Variants in OTC observed in about 807,000 individuals in gnomAD.
OTC encodes ornithine transcarbamylase, mitochondrial.
OTC carries 3 observed loss-of-function variants against 30.3 expected under a neutral mutation model. That is an observed-to-expected ratio of 0.10 (90% confidence interval 0.05 to 0.26). The LOEUF is 0.26. OTC is among the 10% of genes least tolerant of loss of function. The pLI is 1.00. For synonymous variants in OTC, 111 were observed against 99.7 expected, an observed-to-expected ratio of 1.11 and a Z score of -0.67; for missense variants, 194 against 260.3, an observed-to-expected ratio of 0.75 and a Z score of 1.75.
chrX:38,380,230 C>T (rs928942945), intron 3 of OTC, among the ~76,000 whole-genome samples: 2 of 111,813 alleles, frequency 1.8e-5, no homozygotes, highest in African/African-American at 6.5e-5. Context: ...GTCAAATTCT[C>T]CTTTGTGGAT....
upstream of OTC, among the ~76,000 whole-genome samples, chrX:38,351,372 T>TG (rs1412591224): frequency 8.9e-6 from 1 of 111,857 alleles, no homozygotes; most frequent in East Asian, 2.8e-4. Context: ...GCCCTACCCC[T>TG]GCCCCTCCTC....
chrX:38,329,832 G>A, the OTC span, among the ~76,000 whole-genome samples: 1 of 111,485 alleles, frequency 9.0e-6, no homozygotes, highest in African/African-American at 3.3e-5. Flanking sequence ...TGGTTACTTG[G>A]GAATGGCACC....
At chrX:38,394,396 A>G (rs1035577921) in intron 4 of OTC, among the ~76,000 whole-genome samples, 1 of 112,265 alleles carries the variant, frequency 8.9e-6, no homozygotes, top group African/African-American at 3.2e-5. Context: ...AGGAGATTTC[A>G]TTCTTTTACA....
chrX:38,407,640 G>T (rs2068521907), intron 6 of OTC, among the ~76,000 whole-genome samples: 1 of 111,092 alleles, frequency 9.0e-6, no homozygotes, highest in Admixed American at 9.6e-5. Context: ...GAGAGGAGGT[G>T]TTCAAGGGTG....
intron 5 of OTC, among the ~76,000 whole-genome samples, chrX:38,402,558 T>C (rs1472130951): frequency 8.9e-6 from 1 of 112,148 alleles, no homozygotes; most frequent in African/African-American, 3.2e-5. Context: ...ATAAAATATA[T>C]GAAACCTACA....
At chrX:38,337,073 A>G in the OTC span, among the ~76,000 whole-genome samples, 1 of 111,609 alleles carries the variant, frequency 9.0e-6, no homozygotes, top group Non-Finnish European at 1.9e-5. Context: ...ATGAGAGAGC[A>G]GCATTAAGAT....
At chrX:38,338,407 A>T in the OTC span, among the ~76,000 whole-genome samples, 1 of 112,292 alleles carries the variant, frequency 8.9e-6, no homozygotes, top group East Asian at 2.8e-4. Context: ...GTTTACTGTC[A>T]GTCAACCAGT....
At chrX:38,365,113 C>G (rs779056222) in intron 1 of OTC, among the ~76,000 whole-genome samples, 1 of 112,833 alleles carries the variant, frequency 8.9e-6, no homozygotes, top group Non-Finnish European at 1.9e-5. Context: ...ATGATTAACT[C>G]TTCATCCCAA....
At chrX:38,409,467 G>T (rs1305712491) in intron 8 of OTC, among the ~76,000 whole-genome samples, 2 of 112,525 alleles carry the variant, frequency 1.8e-5, no homozygotes, top group Non-Finnish European at 3.8e-5. Flanking sequence ...GGCATTCCCA[G>T]GGGACTCATC....
intron 2 of OTC, among the ~76,000 whole-genome samples, chrX:38,369,168 T>C (rs1323844359): frequency 2.7e-5 from 3 of 110,878 alleles, no homozygotes; most frequent in Non-Finnish European, 5.7e-5. Flanking sequence ...GAAAACTGAA[T>C]GGGGATTTCA....
intron 4 of OTC, among the ~76,000 whole-genome samples, chrX:38,389,357 A>G (rs1051995272): frequency 4.6e-5 from 5 of 107,983 alleles, no homozygotes; most frequent in Admixed American, 1.0e-4. Flanking sequence ...ATGAGGCCCA[A>G]TCCTCAAGAG....
chrX:38,414,831 T>A (rs1436376509), intron 9 of OTC, among the ~76,000 whole-genome samples: 3 of 111,214 alleles, frequency 2.7e-5, no homozygotes, highest in African/African-American at 9.8e-5. Flanking sequence ...GCGCTCTTTA[T>A]GTCTCTGAGC....
chrX:38,417,749 A>G (rs2068576640), intron 9 of OTC, among the ~76,000 whole-genome samples: 1 of 112,174 alleles, frequency 8.9e-6, no homozygotes, highest in Admixed American at 9.5e-5. Context: ...CAAGGACCTG[A>G]GAGACCACAA....
chrX:38,351,220 G>C (rs1371901378), upstream of OTC, among the ~76,000 whole-genome samples: 1 of 111,936 alleles, frequency 8.9e-6, no homozygotes. Flanking sequence ...TTCTCTACTA[G>C]TATTAATTAT....
At chrX:38,341,046 C>T in the OTC span, among the ~76,000 whole-genome samples, 1 of 111,741 alleles carries the variant, frequency 8.9e-6, no homozygotes, top group Non-Finnish European at 1.9e-5. Flanking sequence ...GATCCGCCTG[C>T]CTCGGCCTCC....
At chrX:38,383,569 G>A (rs1240171639) in intron 4 of OTC, among the ~76,000 whole-genome samples, 1 of 111,109 alleles carries the variant, frequency 9.0e-6, no homozygotes. Flanking sequence ...AGGCCGAGGC[G>A]GGTGGATCAC....
At position 38,421,365 on chromosome X, in the gene OTC, A is replaced by G. The variant is rs180730818; in HGVS notation, c.*283A>G. ...TCATATACATTTACTTCAACATAAA[A>G]TACTGTGTTCATAATGTATAATGTC... On this transcript the variant is annotated 3_prime_UTR_variant, in exon 10 of 10. Coordinates refer to ENST00000039007, the MANE Select transcript of OTC (RefSeq NM_000531.6). 151 of 298,920 alleles carry G rather than the reference A, an allele frequency of 5.1e-4. No homozygotes were observed. Among genetic ancestry groups the G allele is most frequent in the African/African-American group, 3.6e-3 (132 of 36,900 alleles). 24.6% of individuals were successfully genotyped at this position (298,920 alleles called of 1,213,427 possible).
At chrX:38,414,142 T>A (rs2147347446) in intron 9 of OTC, among the ~76,000 whole-genome samples, 1 of 111,888 alleles carries the variant, frequency 8.9e-6, no homozygotes, top group East Asian at 2.8e-4. Context: ...CAGAAGACAA[T>A]TGAAGTTACA....
intron 3 of OTC, among the ~76,000 whole-genome samples, chrX:38,373,087 C>T (rs1417414819): frequency 8.9e-6 from 1 of 111,998 alleles, no homozygotes; most frequent in African/African-American, 3.2e-5. Flanking sequence ...AATCATTAAG[C>T]GTATAGATCG....
Sources: allele counts gnomAD v4.1 joint callset (sites outside exome capture counted in the v4.1 genomes callset), GRCh38; gene constraint gnomAD v4.1.1; transcripts MANE v1.5; gene names NCBI Gene and HGNC (gene_info 2026-07-23, HGNC 2026-07-21).